TACR3: variants seen among roughly 807,000 people sequenced by gnomAD.
The protein encoded by TACR3 is neuromedin-K receptor.
Under a neutral mutation model 35.0 loss-of-function variants are expected in TACR3, and 34 were observed. That is an observed-to-expected ratio of 0.97 (90% CI 0.74 to 1.30). TACR3 has a LOEUF of 1.30. TACR3 is among the 50% of genes most tolerant of loss of function. The pLI, the probability that TACR3 is intolerant of heterozygous loss-of-function variation, is 0.00. For synonymous variants in TACR3, 233 were observed against 221.1 expected, an observed-to-expected ratio of 1.05 and a Z score of -0.48; for missense variants, 558 against 591.7, an observed-to-expected ratio of 0.94 and a Z score of 0.59.
At chr4:103,607,295 T>G (rs1724398219) in intron 3 of TACR3, among the ~76,000 whole-genome samples, 1 of 152,106 alleles carries the variant, frequency 6.6e-6, no homozygotes. Context: ...TTAGCATAGT[T>G]TTTGAGTTTT....
Position 103,629,845 on chromosome 4 carries a change from CAAAACAAAAAA to C in TACR3, c.888+26338_888+26348del, listed in dbSNP as rs1265772079. ...CCCACATTGCCAAGACAATCCTAAG[CAAAACAAAAAA>C]AAAACAAAAAAAAAACAAAAAAAAC... is the stretch of plus-strand genomic sequence containing the variant. On this transcript the variant is annotated intron_variant, in intron 3 of 4. Coordinates refer to ENST00000304883, the MANE Select transcript of TACR3 (RefSeq NM_001059.3). Among the ~76,000 whole-genome samples the C allele has an allele frequency of 6.3e-3, 377 of 59,564 alleles. 7 individuals carry two copies. Among genetic ancestry groups the C allele is most frequent in the Middle Eastern group, 0.011 (1 of 90 alleles). The allele number at this position is 59,564 out of a possible 152,430, so 39.1% of individuals were successfully genotyped here. A position where few individuals can be genotyped will look rare whatever the true frequency, so the allele number is the denominator to read the frequency against.
intron 3 of TACR3, among the ~76,000 whole-genome samples, chr4:103,650,154 G>T (rs1725556942): frequency 6.6e-6 from 1 of 151,904 alleles, no homozygotes; most frequent in African/African-American, 2.4e-5. Context: ...CCAGACAGAG[G>T]CTCTTGTTCT....
intron 3 of TACR3, among the ~76,000 whole-genome samples, chr4:103,641,229 T>C (rs573203340): frequency 2.6e-5 from 4 of 152,000 alleles, no homozygotes; most frequent in Non-Finnish European, 5.9e-5. Flanking sequence ...TGGGTTCATT[T>C]CTGGGCTCAC....
chr4:103,704,631 A>T (rs1722745717), intron 1 of TACR3, among the ~76,000 whole-genome samples: 1 of 152,192 alleles, frequency 6.6e-6, no homozygotes, highest in South Asian at 2.1e-4. Context: ...ACAGCATGGG[A>T]GAAACCAGCC....
At chr4:103,641,344 C>G (rs867632877) in intron 3 of TACR3, among the ~76,000 whole-genome samples, 4 of 151,770 alleles carry the variant, frequency 2.6e-5, no homozygotes, top group African/African-American at 9.7e-5. Context: ...AGTGTGATAC[C>G]TTTAGATTGT....
chr4:103,594,684 A>C (rs1448057096), intron 3 of TACR3, among the ~76,000 whole-genome samples: 2 of 152,190 alleles, frequency 1.3e-5, no homozygotes, highest in East Asian at 3.8e-4. Context: ...GATAAATTTC[A>C]ATTTTCATAG....
intron 3 of TACR3, among the ~76,000 whole-genome samples, chr4:103,630,351 A>T (rs996850891): frequency 6.6e-6 from 1 of 152,234 alleles, no homozygotes; most frequent in Non-Finnish European, 1.5e-5. Context: ...ATCTAATTAA[A>T]CTAAAGAGCT....
intron 1 of TACR3, among the ~76,000 whole-genome samples, chr4:103,717,892 G>A (rs909813742): frequency 6.6e-6 from 1 of 151,984 alleles, no homozygotes; most frequent in African/African-American, 2.4e-5. Flanking sequence ...CAGAGATAAA[G>A]GAGAAAGGGA....
chr4:103,718,360 A>T (rs987808239), intron 1 of TACR3, among the ~76,000 whole-genome samples: 1 of 152,246 alleles, frequency 6.6e-6, no homozygotes, highest in African/African-American at 2.4e-5. Context: ...CTTCAATAAC[A>T]GGTAGGGATT....
intron 1 of TACR3, among the ~76,000 whole-genome samples, chr4:103,680,288 G>T (rs1726262633): frequency 6.6e-6 from 1 of 151,550 alleles, no homozygotes; most frequent in South Asian, 2.1e-4. Flanking sequence ...AGAACAGAAA[G>T]AAAATGGTGC....
intron 3 of TACR3, among the ~76,000 whole-genome samples, chr4:103,628,683 G>T (rs1239040593): frequency 6.6e-6 from 1 of 152,084 alleles, no homozygotes; most frequent in Non-Finnish European, 1.5e-5. Flanking sequence ...AAAAATCCAG[G>T]ACCAGATAGA....
At chr4:103,653,592 C>T (rs978566563) in intron 3 of TACR3, among the ~76,000 whole-genome samples, 2 of 152,016 alleles carry the variant, frequency 1.3e-5, no homozygotes, top group Admixed American at 1.3e-4. Flanking sequence ...ACCATAAAAA[C>T]CCTAGAAGAA....
Position 103,591,648 on chromosome 4 carries a change from A to G in TACR3, c.924T>C (p.Phe308=). Reference sequence around the variant, plus strand: ...TATGATAGGGCAGCCAGCAGATAGCAAATGTCATGACAACAATAATCATCA... The same window carrying G: ...TATGATAGGGCAGCCAGCAGATAGCGAATGTCATGACAACAATAATCATCA... ...VKMMIIVVMT[F]AICWLPYHIY... is the part of the protein sequence containing the mutation. The change falls in exon 4 of 5, where the codon TTT becomes TTC. Residue 308 remains phenylalanine (F), a synonymous_variant. Coordinates refer to ENST00000304883, the MANE Select transcript of TACR3 (RefSeq NM_001059.3). The G allele has an allele frequency of 6.2e-7, 1 of 1,613,524 alleles. No individual in the cohort carries two copies. Among genetic ancestry groups the G allele is most frequent in the Non-Finnish European group, 8.5e-7 (1 of 1,179,754 alleles).
intron 1 of TACR3, among the ~76,000 whole-genome samples, chr4:103,670,921 C>A (rs1328423442): frequency 6.6e-6 from 1 of 151,970 alleles, no homozygotes; most frequent in Non-Finnish European, 1.5e-5. Flanking sequence ...GTCAGTTTTT[C>A]CCATTCAGTA....
intron 3 of TACR3, among the ~76,000 whole-genome samples, chr4:103,597,682 C>G (rs185839029): frequency 4.1e-4 from 62 of 151,544 alleles, no homozygotes; most frequent in African/African-American, 1.4e-3. Context: ...TCAATTCCCA[C>G]CTGTGAGTGA....
intron 3 of TACR3, among the ~76,000 whole-genome samples, chr4:103,635,583 C>A (rs931671177): frequency 1.1e-4 from 17 of 151,936 alleles, no homozygotes; most frequent in Non-Finnish European, 1.3e-4. Context: ...TGGCTCTAAC[C>A]AAAATCAAGT....
In TACR3 at chr4:103,697,474, G is replaced by C. The variant is rs554036484; in HGVS notation, c.548+21654C>G. ...GAGTCTCCTTCTGTTGCCCAGGCTA[G>C]AGTGCAGTGGCGCCATCTCGGTTCA... On this transcript the variant is annotated intron_variant, in intron 1 of 4. Transcript: ENST00000304883. Among the ~76,000 whole-genome samples the C allele has an allele frequency of 2.0e-5, 3 of 151,890 alleles. No homozygotes were observed. In the South Asian group the frequency reaches 6.3e-4, roughly 32 times the overall value.
chr4:103,587,411 G>C lies in TACR3; in HGVS notation c.*2271C>G, dbSNP rs1482208502. 6.6e-6 allele frequency: 1 copy of C among 152,052 alleles called. No individual in the cohort carries two copies. The highest frequency in any genetic ancestry group is 1.5e-5 in the Non-Finnish European group (1 of 67,996). The allele number at this position is 152,052 out of a possible 1,614,324, so 9.4% of individuals were successfully genotyped here. On this transcript the variant is annotated 3_prime_UTR_variant, in exon 5 of 5. Transcript: ENST00000304883. The stretch of plus-strand genomic sequence containing the variant: ...TGGGTATTTCTGTCACACTAGAAGG[G>C]AGGTGCTCGGTAAGCAACACAACAA...
chr4:103,601,399 T>G (rs11097818), intron 3 of TACR3, among the ~76,000 whole-genome samples: 77,516 of 152,014 alleles, frequency 0.51, 23,116 homozygotes, highest in Non-Finnish European at 0.64. Context: ...AAAGTTAATA[T>G]TATTTTGTGT....
Sources: allele counts gnomAD v4.1 joint callset (sites outside exome capture counted in the v4.1 genomes callset), GRCh38; gene constraint gnomAD v4.1.1; transcripts MANE v1.5; gene names NCBI Gene and HGNC (gene_info 2026-07-23, HGNC 2026-07-21).